The following STAT4 variants were observed in gnomAD, a reference collection of about 807,000 sequenced individuals.
The protein encoded by STAT4 is signal transducer and activator of transcription 4.
STAT4 carries 42 observed loss-of-function variants against 110.5 expected under a neutral mutation model. That is an observed-to-expected ratio of 0.38 (90% CI 0.30 to 0.49). The LOEUF is 0.49. Ranked by LOEUF, STAT4 falls within the 20% of genes least tolerant of loss-of-function variation. The pLI is 0.95. For synonymous variants in STAT4, 284 were observed against 302.2 expected (o/e 0.94, Z 0.63); for missense variants, 632 against 887.9 (o/e 0.71, Z 3.66).
rs181952695 is a variant in STAT4 at position 191,084,210 on chromosome 2, C to T, written c.274-7885G>A. Among the ~76,000 whole-genome samples, 901 of 151,796 alleles carry T rather than the reference C, an allele frequency of 5.9e-3. 7 individuals carry two copies. The highest frequency in any genetic ancestry group is 0.02 in the African/African-American group (816 of 41,368). ...CCAGGAGGCAGAGGTTGCAGTGAGC[C>T]GAGATCATGCCATTGCACTCCAGCC... is the stretch of plus-strand genomic sequence containing the variant. On this transcript the variant is annotated intron_variant, in intron 3 of 23. Transcript: ENST00000392320.
intron 14 of STAT4, among the ~76,000 whole-genome samples, chr2:191,052,396 C>G (rs758385167): frequency 7.9e-5 from 12 of 151,976 alleles, no homozygotes; most frequent in Non-Finnish European, 7.4e-5. Context: ...TTCGGCAAAC[C>G]TGGAAAAAAA....
rs575947982 is a variant in STAT4, at chr2:191,099,636, T to C, written c.274-23311A>G. 9.1e-3 allele frequency among the ~76,000 whole-genome samples: 1,386 copies of C among 152,284 alleles called. 29 individuals are homozygous for C. Among genetic ancestry groups the C allele is most frequent in the African/African-American group, 0.031 (1,271 of 41,584 alleles). ...ATAAACAACACACATGTACACATTA[T>C]ATTTTTAAAAATATCCACAAATTAT... On this transcript the variant is annotated intron_variant, in intron 3 of 23. Coordinates refer to ENST00000392320, the MANE Select transcript of STAT4 (RefSeq NM_003151.4). The surrounding 1 kb of genome is among the most constrained non-coding windows in gnomAD (Gnocchi z 4.1).
At chr2:191,071,774 G>T (rs1697162143) in intron 5 of STAT4, among the ~76,000 whole-genome samples, 1 of 152,204 alleles carries the variant, frequency 6.6e-6, no homozygotes, top group Admixed American at 6.5e-5. Context: ...AGGCTTCCTG[G>T]AATCAGGCCC....
chr2:191,119,716 C>T lies in STAT4; in HGVS notation c.273+26897G>A, dbSNP rs139705326. 9.2e-5 allele frequency among the ~76,000 whole-genome samples: 14 copies of T among 152,162 alleles called. No individual in the cohort carries two copies. The East Asian group carries it at 2.5e-3, about 27-fold the overall frequency. ...GAAAATTCCAAGGATCAAGAAAAATCGAGGCAATTTTGAAGAAGAACAAGG... is the reference window on the plus strand; with the variant it reads ...GAAAATTCCAAGGATCAAGAAAAATTGAGGCAATTTTGAAGAAGAACAAGG... On this transcript the variant is annotated intron_variant, in intron 3 of 23. Transcript: ENST00000392320.
chr2:191,072,447 A>C (rs1480212518), intron 5 of STAT4, among the ~76,000 whole-genome samples: 1 of 152,204 alleles, frequency 6.6e-6, no homozygotes, highest in African/African-American at 2.4e-5. Context: ...GGATCACTAA[A>C]TCAGAAGTCT....
chr2:191,066,726 A>C lies in STAT4; in HGVS notation c.545-211T>G, dbSNP rs1418357357. Reference sequence around the variant, plus strand: ...GCAAAAAAGGACCTCTTTATTTTAGAGCTTCAGGAAAAACCATTCTGCACT... The same window carrying C: ...GCAAAAAAGGACCTCTTTATTTTAGCGCTTCAGGAAAAACCATTCTGCACT... On this transcript the variant is annotated intron_variant, in intron 6 of 23. Coordinates refer to ENST00000392320, the MANE Select transcript of STAT4 (RefSeq NM_003151.4). The surrounding 1 kb of genome is among the most constrained non-coding windows in gnomAD (Gnocchi z 4.3). Among the ~76,000 whole-genome samples, 1 of 152,110 alleles carries C rather than the reference A, an allele frequency of 6.6e-6. No individual in the cohort carries two copies. The highest frequency in any genetic ancestry group is 1.5e-5 in the Non-Finnish European group (1 of 68,002).
At chr2:191,103,946 C>A (rs1363320283) in intron 3 of STAT4, among the ~76,000 whole-genome samples, 2 of 152,118 alleles carry the variant, frequency 1.3e-5, no homozygotes, top group Middle Eastern at 3.2e-3. Flanking sequence ...TCACCCTGGT[C>A]TTTAAAAATA....
intron 3 of STAT4, among the ~76,000 whole-genome samples, chr2:191,115,665 C>G (rs1227109721): frequency 6.6e-6 from 1 of 152,190 alleles, no homozygotes; most frequent in African/African-American, 2.4e-5. Context: ...GAATGCTCCT[C>G]CCACAAGCAA....
At chr2:191,129,151 G>GT (rs1278700035) in intron 3 of STAT4, among the ~76,000 whole-genome samples, 1 of 151,594 alleles carries the variant, frequency 6.6e-6, no homozygotes, top group African/African-American at 2.4e-5. Context: ...GGCATACCCA[G>GT]TAAAAAAAAC....
Position 191,086,274 on chromosome 2 carries a change from T to C in STAT4, c.274-9949A>G, listed in dbSNP as rs1180153929. Among the ~76,000 whole-genome samples the C allele has an allele frequency of 6.6e-6, 1 of 152,144 alleles. No homozygotes were observed. Among genetic ancestry groups the C allele is most frequent in the Admixed American group, 6.6e-5 (1 of 15,260 alleles). On this transcript the variant is annotated intron_variant, in intron 3 of 23. Transcript: ENST00000392320. The surrounding 1 kb of genome is among the most constrained non-coding windows in gnomAD (Gnocchi z 5.5). Reference sequence around the variant, plus strand: ...GTTCTTGACCTGTGATAAGTAAAGATTGTCACTTTCTGACAGGCCCGGGAA... The same window carrying C: ...GTTCTTGACCTGTGATAAGTAAAGACTGTCACTTTCTGACAGGCCCGGGAA...
At chr2:191,078,502 A>G (rs983864390) in intron 3 of STAT4, among the ~76,000 whole-genome samples, 2 of 152,192 alleles carry the variant, frequency 1.3e-5, no homozygotes, top group Admixed American at 1.3e-4. Flanking sequence ...TCCCTCACTT[A>G]AATGTATGAA....
At chr2:191,076,071 C>T in intron 4 of STAT4, 156 bp downstream of exon 4, 1 of 602,910 alleles carries the variant, frequency 1.7e-6, no homozygotes, top group Non-Finnish European at 2.9e-6. Flanking sequence ...CCAGACTGGT[C>T]TCAAACTCTT....
chr2:191,120,653 T>G (rs1259068842), intron 3 of STAT4, among the ~76,000 whole-genome samples: 2 of 152,144 alleles, frequency 1.3e-5, no homozygotes, highest in Non-Finnish European at 2.9e-5. Context: ...TTGACAAACC[T>G]GAGAAAAACA....
In STAT4 at chr2:191,032,842, G is replaced by C; in HGVS notation, c.2044+116C>G. 1.8e-6 allele frequency: 2 copies of C among 1,107,446 alleles called. No individual in the cohort carries two copies. The highest frequency in any genetic ancestry group is 2.6e-6 in the Non-Finnish European group (2 of 781,320). 68.6% of individuals were successfully genotyped at this position (1,107,446 alleles called of 1,614,324 possible). A position where few individuals can be genotyped will look rare whatever the true frequency, so the allele number is the denominator to read the frequency against. ...AGGCTTTGACCTCCACATGCCCTTAGATCTTACAGAAATCAGAGTAAACAA... is the reference window on the plus strand; with the variant it reads ...AGGCTTTGACCTCCACATGCCCTTACATCTTACAGAAATCAGAGTAAACAA... On this transcript the variant is annotated intron_variant, in intron 21 of 23. Transcript: ENST00000392320. The surrounding 1 kb of genome is among the most constrained non-coding windows in gnomAD (Gnocchi z 4.9).
rs1347545476 is a variant in STAT4, at chr2:191,053,102, T to C, written c.1251+1388A>G. The stretch of plus-strand genomic sequence containing the variant: ...AATCTTTTGTGATGGATCTTTATGG[T>C]TTTGTGAGGTGTGATAAATTGGATG... On this transcript the variant is annotated intron_variant, in intron 14 of 23. Transcript: ENST00000392320. The surrounding 1 kb of genome is among the most constrained non-coding windows in gnomAD (Gnocchi z 4.5). 6.6e-6 allele frequency among the ~76,000 whole-genome samples: 1 copy of C among 152,160 alleles called. No individual in the cohort carries two copies. The highest frequency in any genetic ancestry group is 1.9e-4 in the East Asian group (1 of 5,194).
chr2:191,120,271 G>C (rs1444729439), intron 3 of STAT4, among the ~76,000 whole-genome samples: 1 of 152,152 alleles, frequency 6.6e-6, no homozygotes, highest in Non-Finnish European at 1.5e-5. Context: ...GCACAGTGCA[G>C]AAGACATTAG....
At chr2:191,049,637 A>G (rs545890107) in intron 14 of STAT4, among the ~76,000 whole-genome samples, 22 of 152,368 alleles carry the variant, frequency 1.4e-4, no homozygotes, top group Middle Eastern at 3.4e-3. Context: ...AACAATTAAA[A>G]TAACCCTTTC....
chr2:191,094,150 G>A (rs910544986), intron 3 of STAT4, among the ~76,000 whole-genome samples: 4 of 152,220 alleles, frequency 2.6e-5, no homozygotes, highest in Non-Finnish European at 5.9e-5. Flanking sequence ...ATGGAACCAA[G>A]TTGGAAAACA....
At chr2:191,098,551 C>A (rs555169586) in intron 3 of STAT4, among the ~76,000 whole-genome samples, 1 of 151,548 alleles carries the variant, frequency 6.6e-6, no homozygotes, top group African/African-American at 2.4e-5. Flanking sequence ...TAGGTGGGAA[C>A]TGAACAATGA....
Sources: allele counts gnomAD v4.1 joint callset (sites outside exome capture counted in the v4.1 genomes callset), GRCh38; gene constraint gnomAD v4.1.1; non-coding constraint Gnocchi (gnomAD v3.1); transcripts MANE v1.5; gene names NCBI Gene and HGNC (gene_info 2026-07-23, HGNC 2026-07-21).